GPR137C: variants seen among roughly 807,000 people sequenced by gnomAD.
GPR137C encodes integral membrane protein GPR137C.
GPR137C carries 27 observed loss-of-function variants against 43.4 expected under a neutral mutation model. That is an observed-to-expected ratio of 0.62 (90% CI 0.46 to 0.86). The LOEUF is 0.86. Among genes scored for constraint, GPR137C ranks in the 40% least tolerant of loss-of-function variants. The pLI is 0.00. For synonymous variants in GPR137C, 285 were observed against 226.9 expected, an observed-to-expected ratio of 1.26 and a Z score of -2.30; for missense variants, 522 against 534.6, an observed-to-expected ratio of 0.98 and a Z score of 0.23.
intron 3 of GPR137C, among the ~76,000 whole-genome samples, chr14:52,611,075 T>C (rs1452090732): frequency 6.6e-6 from 1 of 152,232 alleles, no homozygotes; most frequent in Non-Finnish European, 1.5e-5. Context: ...ATGCTATCAT[T>C]AATATAAAAG....
At chr14:52,563,466 A>G (rs1201602156) in intron 1 of GPR137C, among the ~76,000 whole-genome samples, 4 of 151,618 alleles carry the variant, frequency 2.6e-5, no homozygotes. Flanking sequence ...CTCCTCTCCC[A>G]CCCTACACCT....
chr14:52,569,901 T>C (rs1268555662), intron 1 of GPR137C, among the ~76,000 whole-genome samples: 1 of 151,992 alleles, frequency 6.6e-6, no homozygotes, highest in African/African-American at 2.4e-5. Flanking sequence ...TAGGATATTA[T>C]CCTGAAGTGG....
chr14:52,630,884 G>C (rs1345113568), intron 3 of GPR137C, among the ~76,000 whole-genome samples: 2 of 152,128 alleles, frequency 1.3e-5, no homozygotes, highest in Admixed American at 6.6e-5. Flanking sequence ...GTTACTTTTA[G>C]AGCATGATGT....
At chr14:52,606,899 T>C (rs573716001) in intron 3 of GPR137C, among the ~76,000 whole-genome samples, 1 of 152,320 alleles carries the variant, frequency 6.6e-6, no homozygotes, top group African/African-American at 2.4e-5. Context: ...TTATTTGTCT[T>C]TCTATTTTTT....
intron 1 of GPR137C, among the ~76,000 whole-genome samples, chr14:52,569,283 A>C (rs980080870): frequency 1.3e-5 from 2 of 152,142 alleles, no homozygotes; most frequent in African/African-American, 4.8e-5. Context: ...ACCCCATCTG[A>C]AGAGCACTGG....
At chr14:52,577,576 A>G (rs2038579654) in intron 1 of GPR137C, among the ~76,000 whole-genome samples, 1 of 150,466 alleles carries the variant, frequency 6.6e-6, no homozygotes, top group African/African-American at 2.4e-5. Flanking sequence ...CTTGGCAAAG[A>G]CAAACAAAAT....
chr14:52,561,393 A>G (rs181152212), intron 1 of GPR137C, among the ~76,000 whole-genome samples: 93 of 152,332 alleles, frequency 6.1e-4, no homozygotes, highest in African/African-American at 2.2e-3. Context: ...GGATCACTTG[A>G]GCCCAGCAGC....
intron 1 of GPR137C, among the ~76,000 whole-genome samples, chr14:52,595,106 G>T (rs536386089): frequency 2.3e-4 from 35 of 152,188 alleles, no homozygotes; most frequent in African/African-American, 8.2e-4. Flanking sequence ...TGAAATTCTG[G>T]GTTGAAAATT....
chr14:52,591,223 G>A (rs1169581122), intron 1 of GPR137C, among the ~76,000 whole-genome samples: 1 of 152,102 alleles, frequency 6.6e-6, no homozygotes, highest in Non-Finnish European at 1.5e-5. Context: ...TCTTAATCCA[G>A]TCTATCATTG....
chr14:52,586,606 G>C (rs567233463), intron 1 of GPR137C, among the ~76,000 whole-genome samples: 2 of 151,984 alleles, frequency 1.3e-5, no homozygotes, highest in Non-Finnish European at 2.9e-5. Context: ...TTACTCTTGT[G>C]CTTTCTAATT....
At chr14:52,571,728 G>C (rs967394902) in intron 1 of GPR137C, among the ~76,000 whole-genome samples, 1 of 152,060 alleles carries the variant, frequency 6.6e-6, no homozygotes, top group Non-Finnish European at 1.5e-5. Context: ...AAAGCTAGCA[G>C]AAGACAAGAA....
intron 3 of GPR137C, chr14:52,612,302 TC>T (rs1427421653): frequency 2.3e-5 from 21 of 899,250 alleles, no homozygotes; most frequent in South Asian, 5.1e-5. Context: ...TAAAGGATTT[TC>T]TCATGCTATT....
intron 1 of GPR137C, among the ~76,000 whole-genome samples, chr14:52,585,138 T>G (rs947651791): frequency 6.6e-6 from 1 of 152,216 alleles, no homozygotes; most frequent in East Asian, 1.9e-4. Context: ...ATCTGCCAAA[T>G]TCTCTTATCC....
chr14:52,623,770 C>T (rs1275504632), intron 3 of GPR137C, among the ~76,000 whole-genome samples: 1 of 152,088 alleles, frequency 6.6e-6, no homozygotes, highest in East Asian at 1.9e-4. Context: ...CTATCACTTT[C>T]ATCTTTCTCA....
At chr14:52,627,714 C>T (rs751980140) in intron 3 of GPR137C, among the ~76,000 whole-genome samples, 20 of 151,896 alleles carry the variant, frequency 1.3e-4, no homozygotes, top group Non-Finnish European at 2.2e-4. Context: ...CATGGTGGCA[C>T]GTGCCTGTAA....
chr14:52,625,164 C>A (rs574779989), intron 3 of GPR137C, among the ~76,000 whole-genome samples: 24 of 152,206 alleles, frequency 1.6e-4, no homozygotes, highest in African/African-American at 5.8e-4. Flanking sequence ...GAAGAAACAA[C>A]ACCAATAGTA....
At chr14:52,613,330 C>T (rs1012150926) in intron 3 of GPR137C, 1 of 152,018 alleles carries the variant, frequency 6.6e-6, no homozygotes, top group Admixed American at 6.6e-5. Context: ...TCCATCCCCT[C>T]AAGCATTTAT....
intron 1 of GPR137C, among the ~76,000 whole-genome samples, chr14:52,557,486 G>A (rs1342353896): frequency 2.0e-5 from 3 of 152,166 alleles, no homozygotes; most frequent in Admixed American, 6.5e-5. Context: ...CTCATATCCT[G>A]AGTCAGTTAC....
intron 2 of GPR137C, 68 bp from the exon 3 acceptor site, chr14:52,600,045 A>G: frequency 3.0e-6 from 3 of 1,002,326 alleles, no homozygotes; most frequent in Non-Finnish European, 4.6e-6. Context: ...AACATAACAC[A>G]CTAATGCAGA....
Sources: gnomAD v4.1 joint callset for allele counts (sites outside exome capture counted in the v4.1 genomes callset) on GRCh38, gnomAD v4.1.1 for gene constraint, MANE v1.5 for transcripts, NCBI Gene and HGNC (gene_info 2026-07-23, HGNC 2026-07-21) for gene names.